Variants in TTC28 observed in about 807,000 individuals in gnomAD.
TTC28 encodes tetratricopeptide repeat domain 28, also known as tetratricopeptide repeat protein 28.
A neutral mutation model predicts 198.0 loss-of-function variants in TTC28; 61 were observed. The ratio of observed to expected loss-of-function variants is 0.31; its 90% CI spans 0.25 to 0.38. The LOEUF (loss-of-function observed/expected upper bound fraction) is 0.38. Ranked by LOEUF, TTC28 falls within the 10% of genes least tolerant of loss-of-function variation. The pLI is 1.00. For missense variants in TTC28, 2,678 were observed against 3,164.0 expected, an observed-to-expected ratio of 0.85 and a Z score of 3.69; for synonymous variants, 1,171 against 1,297.8, an observed-to-expected ratio of 0.90 and a Z score of 2.10.
intron 5 of TTC28, among the ~76,000 whole-genome samples, chr22:28,203,111 A>G (rs1926111541): frequency 1.3e-5 from 2 of 152,098 alleles, no homozygotes; most frequent in South Asian, 2.1e-4. Flanking sequence ...TTCTATGCTT[A>G]TTTGCGCATA....
intron 5 of TTC28, among the ~76,000 whole-genome samples, chr22:28,277,210 G>C (rs972945499): frequency 6.6e-6 from 1 of 152,180 alleles, no homozygotes; most frequent in Non-Finnish European, 1.5e-5. Context: ...TATGTATTAT[G>C]AAATAAAAGC....
At chr22:28,333,786 T>C (rs914813575) in intron 2 of TTC28, among the ~76,000 whole-genome samples, 1 of 152,156 alleles carries the variant, frequency 6.6e-6, no homozygotes, top group African/African-American at 2.4e-5. Flanking sequence ...ATCAAAGTAT[T>C]GTGGCATAAT....
chr22:28,142,377 T>C (rs957925936), intron 6 of TTC28, among the ~76,000 whole-genome samples: 1 of 152,220 alleles, frequency 6.6e-6, no homozygotes, highest in African/African-American at 2.4e-5. Flanking sequence ...CTGATACCCA[T>C]GAGCAGAATA....
intron 2 of TTC28, among the ~76,000 whole-genome samples, chr22:28,363,532 C>T (rs1361205251): frequency 6.6e-6 from 1 of 152,162 alleles, no homozygotes; most frequent in Non-Finnish European, 1.5e-5. Flanking sequence ...GGGGCACCGC[C>T]TAGTGGAGCT....
At chr22:28,552,807 TCTCTTTCCACGGTCTCCCTCTGATG>T (rs2049703153) in intron 2 of TTC28, among the ~76,000 whole-genome samples, 1 of 99,502 alleles carries the variant, frequency 1.0e-5, no homozygotes, top group Admixed American at 1.3e-4. Flanking sequence ...TCCCTCTCCC[TCTCTTTCCACGGTCTCCCTCTGATG>T]CCGAGCCAAA....
chr22:28,673,573 T>G (rs1387119942), intron 1 of TTC28, among the ~76,000 whole-genome samples: 3 of 152,168 alleles, frequency 2.0e-5, no homozygotes, highest in Non-Finnish European at 4.4e-5. Flanking sequence ...ACTCACAGAA[T>G]TGCATAAAGA....
At chr22:28,657,877 C>T (rs1172271769) in intron 1 of TTC28, among the ~76,000 whole-genome samples, 1 of 151,454 alleles carries the variant, frequency 6.6e-6, no homozygotes, top group Non-Finnish European at 1.5e-5. Flanking sequence ...AGCAACACTC[C>T]ATCTAAAAAA....
At chr22:28,356,420 A>G (rs946260367) in intron 2 of TTC28, among the ~76,000 whole-genome samples, 14 of 152,230 alleles carry the variant, frequency 9.2e-5, no homozygotes, top group African/African-American at 2.9e-4. Context: ...TATTTATTTC[A>G]TAGGGCAGCC....
At chr22:28,387,376 G>A (rs1376997293) in intron 2 of TTC28, among the ~76,000 whole-genome samples, 3 of 152,226 alleles carry the variant, frequency 2.0e-5, no homozygotes, top group Non-Finnish European at 2.9e-5. Context: ...GGATGGCTGG[G>A]TCAAATGCTA....
intron 12 of TTC28, among the ~76,000 whole-genome samples, chr22:28,035,170 CT>C (rs957069386): frequency 5.3e-5 from 8 of 152,204 alleles, no homozygotes; most frequent in Admixed American, 3.3e-4. Context: ...TACTAACTCA[CT>C]GTGTCTCCAT....
intron 14 of TTC28, among the ~76,000 whole-genome samples, chr22:28,011,859 G>A (rs901690284): frequency 8.5e-5 from 13 of 152,126 alleles, no homozygotes; most frequent in Admixed American, 2.0e-4. Flanking sequence ...GGGCAGAAGC[G>A]GCAGTCACAG....
At chr22:28,310,113 AG>A (rs2045227216) in intron 2 of TTC28, among the ~76,000 whole-genome samples, 2 of 150,098 alleles carry the variant, frequency 1.3e-5, no homozygotes, top group South Asian at 4.3e-4. Context: ...AAAAATCAAC[AG>A]TGCCAGGCAC....
chr22:28,495,284 T>C (rs2048438982), intron 2 of TTC28, among the ~76,000 whole-genome samples: 2 of 152,120 alleles, frequency 1.3e-5, no homozygotes, highest in Non-Finnish European at 2.9e-5. Flanking sequence ...ACTGTTACAT[T>C]TCAGAACACT....
intron 5 of TTC28, among the ~76,000 whole-genome samples, chr22:28,233,488 T>C (rs1928973549): frequency 6.6e-6 from 1 of 152,174 alleles, no homozygotes; most frequent in Non-Finnish European, 1.5e-5. Flanking sequence ...ATCTGTCCAT[T>C]ATACAACTAG....
At position 28,228,802 on chromosome 22, in the gene TTC28, C is replaced by A. The variant is rs183063861; in HGVS notation, c.934-65203G>T. Among the ~76,000 whole-genome samples the A allele has an allele frequency of 9.2e-4, 140 of 152,210 alleles. 1 individual carries two copies. Among genetic ancestry groups the A allele is most frequent in the African/African-American group, 3.2e-3 (133 of 41,526 alleles). ...CTGAAGATCCTTTTATTGGTAGGAA[C>A]TTTAAAAATTTTTTCTTTAAATCAA... On this transcript the variant is annotated intron_variant, in intron 5 of 22. Transcript: ENST00000397906.
intron 2 of TTC28, among the ~76,000 whole-genome samples, chr22:28,561,423 C>T (rs1428866584): frequency 6.6e-6 from 1 of 152,120 alleles, no homozygotes; most frequent in African/African-American, 2.4e-5. Flanking sequence ...TCTTCTATAG[C>T]ACTTAAGGTT....
chr22:28,647,161 T>C (rs2051483056), intron 1 of TTC28, among the ~76,000 whole-genome samples: 1 of 152,192 alleles, frequency 6.6e-6, no homozygotes, highest in African/African-American at 2.4e-5. Flanking sequence ...TATATGGTGC[T>C]GGGAAGACTG....
intron 6 of TTC28, among the ~76,000 whole-genome samples, chr22:28,133,584 G>T (rs2146968494): frequency 6.6e-6 from 1 of 152,178 alleles, no homozygotes; most frequent in East Asian, 1.9e-4. Flanking sequence ...GGCTCAGAGG[G>T]TCCCAAGCCC....
intron 5 of TTC28, among the ~76,000 whole-genome samples, chr22:28,185,052 A>C (rs1194654355): frequency 2.0e-5 from 3 of 152,204 alleles, no homozygotes; most frequent in African/African-American, 7.2e-5. Context: ...CTGCGTAAGG[A>C]TATAAAAGAA....
Sources: gnomAD v4.1 joint callset for allele counts (sites outside exome capture counted in the v4.1 genomes callset) on GRCh38, gnomAD v4.1.1 for gene constraint, MANE v1.5 for transcripts, NCBI Gene and HGNC (gene_info 2026-07-23, HGNC 2026-07-21) for gene names.